Variants in APBA2 observed in about 807,000 individuals in gnomAD.
APBA2 encodes the protein amyloid-beta A4 precursor protein-binding family A member 2.
APBA2 carries 30 observed loss-of-function variants against 75.0 expected under a neutral mutation model. The observed-to-expected ratio is 0.40, with a 90% CI of 0.30 to 0.54. APBA2 has a LOEUF of 0.54. Among genes scored for constraint, APBA2 ranks in the 20% least tolerant of loss-of-function variants. The pLI is 0.49. For synonymous variants in APBA2, 444 were observed against 409.6 expected, an observed-to-expected ratio of 1.08 and a Z score of -1.01; for missense variants, 801 against 1,016.1, an observed-to-expected ratio of 0.79 and a Z score of 2.88.
chr15:29,027,589 G>T (rs2040282783), intron 3 of APBA2, among the ~76,000 whole-genome samples: 1 of 151,092 alleles, frequency 6.6e-6, no homozygotes. Flanking sequence ...ATTTTTTTTA[G>T]TCTTTTATCT....
chr15:28,993,641 A>G (rs73370643), intron 2 of APBA2, among the ~76,000 whole-genome samples: 12,082 of 152,122 alleles, frequency 0.079, 656 homozygotes, highest in East Asian at 0.27. Context: ...CAGTGCTGCT[A>G]TTGCTCCTGG....
At chr15:28,999,868 A>C (rs1201371548) in intron 3 of APBA2, among the ~76,000 whole-genome samples, 1 of 152,196 alleles carries the variant, frequency 6.6e-6, no homozygotes, top group African/African-American at 2.4e-5. Flanking sequence ...CAGGGAAGCC[A>C]GTATTGTAGT....
Position 29,054,319 on chromosome 15 carries a change from G to A in APBA2, c.435G>A (p.Ala145=), listed in dbSNP as rs372287836. The change falls in exon 4 of 15, where the codon GCG becomes GCA. Residue 145 remains alanine (A), a synonymous_variant. Transcript: ENST00000683413. This position sits in a 1 kb window ranked among gnomAD's most constrained non-coding sequence, Gnocchi z 6.1. ...CGGTGGAGGAGTGGACGGACTCGGC[G>A]GGCCCGCACCCCCACGGCCACGAGG... ...QEAVEEWTDS[A]GPHPHGHEAE... The A allele has an allele frequency of 3.7e-6, 6 of 1,613,884 alleles. No individual in the cohort carries two copies. Among genetic ancestry groups the A allele is most frequent in the African/African-American group, 1.3e-5 (1 of 74,910 alleles).
intron 3 of APBA2, among the ~76,000 whole-genome samples, chr15:29,045,075 C>T (rs796083304): frequency 9.0e-6 from 1 of 111,492 alleles, no homozygotes; most frequent in Non-Finnish European, 1.6e-5. Flanking sequence ...CTCCTTCTCT[C>T]TCTCTCTCTC....
At chr15:28,928,130 C>T (rs1235319103) in intron 2 of APBA2, among the ~76,000 whole-genome samples, 4 of 122,652 alleles carry the variant, frequency 3.3e-5, no homozygotes, top group South Asian at 5.4e-4. Context: ...GGCAACAGAG[C>T]GAGACTCCAT....
intron 1 of APBA2, among the ~76,000 whole-genome samples, chr15:28,919,012 A>G (rs954552367): frequency 6.6e-6 from 1 of 151,944 alleles, no homozygotes; most frequent in Admixed American, 6.6e-5. Flanking sequence ...GGCGCCCGCC[A>G]CCACGCCCGG....
chr15:29,107,757 C>G (rs999078820), intron 12 of APBA2, among the ~76,000 whole-genome samples: 1 of 152,196 alleles, frequency 6.6e-6, no homozygotes. Flanking sequence ...CCCCGGCGGC[C>G]TGGCGCACCC....
At chr15:29,022,004 G>T (rs943461950) in intron 3 of APBA2, among the ~76,000 whole-genome samples, 1 of 152,174 alleles carries the variant, frequency 6.6e-6, no homozygotes, top group African/African-American at 2.4e-5. Flanking sequence ...ACACTCCATT[G>T]TAAGTGTATA....
intron 6 of APBA2, among the ~76,000 whole-genome samples, chr15:29,088,323 C>T (rs2043387611): frequency 6.6e-6 from 1 of 152,152 alleles, no homozygotes; most frequent in Non-Finnish European, 1.5e-5. Context: ...TTGGCACCTG[C>T]AGATGGTTCA....
chr15:28,915,299 T>TACACCAC (rs1253935214), intron 1 of APBA2, among the ~76,000 whole-genome samples: 1 of 4,356 alleles, frequency 2.3e-4, no homozygotes. Flanking sequence ...ATACCCCATA[T>TACACCAC]ACACCACACA....
rs1347555831 is a variant in APBA2 at position 28,921,638 on chromosome 15, A to G, written c.-204-2A>G. The stretch of plus-strand genomic sequence containing the variant: ...ATTTGTTTGTGTTCTTTTTCTTTAC[A>G]GTCTCCTGAATATTTACGCGTTGCT... On this transcript the variant is annotated splice_acceptor_variant, in intron 1 of 14. Coordinates refer to ENST00000683413, the MANE Select transcript of APBA2 (RefSeq NM_001353788.2). LOFTEE classifies it low-confidence loss of function (5UTR_SPLICE). The G allele has an allele frequency of 6.6e-6, 1 of 152,166 alleles. No homozygotes were observed. Among genetic ancestry groups the G allele is most frequent in the African/African-American group, 2.4e-5 (1 of 41,414 alleles). 9.4% of individuals were successfully genotyped at this position (152,166 alleles called of 1,614,324 possible).
intron 2 of APBA2, among the ~76,000 whole-genome samples, chr15:28,937,206 G>A (rs950338205): frequency 3.3e-5 from 5 of 152,132 alleles, no homozygotes; most frequent in East Asian, 1.9e-4. Context: ...CAGAAGAGGT[G>A]TCATACAGTG....
chr15:28,930,185 T>C (rs11856852), intron 2 of APBA2, among the ~76,000 whole-genome samples: 54,641 of 152,012 alleles, frequency 0.36, 16,342 homozygotes, highest in African/African-American at 0.8. Context: ...AGGGCTGCAT[T>C]GTGGTGGTCC....
intron 1 of APBA2, among the ~76,000 whole-genome samples, chr15:28,907,076 A>G (rs1410372580): frequency 2.6e-5 from 4 of 152,194 alleles, no homozygotes; most frequent in Admixed American, 1.3e-4. Flanking sequence ...ACCCTAATAT[A>G]TATAAGCACC....
At chr15:28,907,256 T>C (rs1334065597) in intron 1 of APBA2, among the ~76,000 whole-genome samples, 1 of 152,226 alleles carries the variant, frequency 6.6e-6, no homozygotes, top group East Asian at 1.9e-4. Flanking sequence ...CCTCTCTCTT[T>C]TGGCAGATTT....
intron 6 of APBA2, among the ~76,000 whole-genome samples, chr15:29,083,863 C>T (rs1041926602): frequency 1.3e-5 from 2 of 152,176 alleles, no homozygotes; most frequent in African/African-American, 4.8e-5. Flanking sequence ...TTTTATTAGG[C>T]ATGCTTAAAG....
chr15:29,078,670 G>A (rs1410935674), intron 6 of APBA2, among the ~76,000 whole-genome samples: 3 of 151,714 alleles, frequency 2.0e-5, no homozygotes, highest in South Asian at 2.1e-4. Flanking sequence ...AGAGGCCGCC[G>A]GTTCGATGGC....
Position 29,054,241 on chromosome 15 carries a change from G to A in APBA2, c.357G>A (p.Glu119=), listed in dbSNP as rs111568652. ...SYLEGMDCNG[E]EYLAHSAHPV... ...TAGAGGGCATGGACTGCAACGGGGA[G>A]GAGTACCTGGCCCACAGTGCACACC... The change falls in exon 4 of 15, where the codon GAG becomes GAA. Residue 119 remains glutamate, a synonymous_variant. Transcript: ENST00000683413. This position sits in a 1 kb window ranked among gnomAD's most constrained non-coding sequence, Gnocchi z 6.1. The A allele has an allele frequency of 3.3e-5, 53 of 1,614,160 alleles. No homozygotes were observed. In the African/African-American group the frequency reaches 6.0e-4, roughly 18 times the overall value.
chr15:29,114,130 T>A, intron 14 of APBA2, 114 bp downstream of exon 14: 1 of 1,473,202 alleles, frequency 6.8e-7, no homozygotes, highest in East Asian at 2.3e-5. Flanking sequence ...TCAGCCAGGC[T>A]GTGTCTCCCA....
Sources: allele counts gnomAD v4.1 joint callset (sites outside exome capture counted in the v4.1 genomes callset), GRCh38; gene constraint gnomAD v4.1.1; non-coding constraint Gnocchi (gnomAD v3.1); transcripts MANE v1.5; gene names NCBI Gene and HGNC (gene_info 2026-07-23, HGNC 2026-07-21).